Variants in FNBP1 observed in about 807,000 individuals in gnomAD.
FNBP1 encodes the protein formin-binding protein 1.
FNBP1 carries 26 observed loss-of-function variants against 90.6 expected under a neutral mutation model. The observed-to-expected ratio is 0.29, with a 90% CI of 0.21 to 0.40. The LOEUF is 0.40. FNBP1 is among the 10% of genes least tolerant of loss of function. The probability of loss-of-function intolerance (pLI) is 1.00; values close to 1 mark genes in which losing one functional copy is unlikely to be tolerated. For synonymous variants in FNBP1, 260 were observed against 265.2 expected (o/e 0.98, Z 0.19); for missense variants, 635 against 768.0 (o/e 0.83, Z 2.05).
chr9:130,042,880 G>T lies in FNBP1; in HGVS notation c.24+72C>A. ...GCCTCCGCCCAGCAGCGCGGCCCGCGCCCCCTCCCCAGGCCGCGGGGAAAC... is the reference window on the plus strand; with the variant it reads ...GCCTCCGCCCAGCAGCGCGGCCCGCTCCCCCTCCCCAGGCCGCGGGGAAAC... On this transcript the variant is annotated intron_variant, in intron 1 of 16. Coordinates refer to ENST00000446176, the MANE Select transcript of FNBP1 (RefSeq NM_015033.3). The surrounding 1 kb of genome is among the most constrained non-coding windows in gnomAD (Gnocchi z 5.5). The T allele has an allele frequency of 5.6e-6, 6 of 1,080,240 alleles. No individual in the cohort carries two copies. The highest frequency in any genetic ancestry group is 5.9e-6 in the Non-Finnish European group (5 of 851,474). The allele number at this position is 1,080,240 out of a possible 1,614,324, so 66.9% of individuals were successfully genotyped here. A position where few individuals can be genotyped will look rare whatever the true frequency, so the allele number is the denominator to read the frequency against.
intron 6 of FNBP1, chr9:129,933,640 T>C (rs1304677748): frequency 6.6e-6 from 1 of 152,224 alleles, no homozygotes. Flanking sequence ...AAGTATATTT[T>C]AGACGGTCTG....
intron 6 of FNBP1, among the ~76,000 whole-genome samples, chr9:129,955,033 A>T (rs2046712477): frequency 6.6e-6 from 1 of 152,100 alleles, no homozygotes; most frequent in African/African-American, 2.4e-5. Context: ...AACCTTTTGA[A>T]GCACTCTCTT....
In FNBP1 at chr9:129,966,064, T is replaced by G. The variant is rs2048588958; in HGVS notation, c.346-7511A>C. ...GCTGCTCCAGGCACGAGGAAAGCTG[T>G]GTAAACAAAACAAAGTCCCCTGTCC... On this transcript the variant is annotated intron_variant, in intron 4 of 16. Transcript: ENST00000446176. This position sits in a 1 kb window ranked among gnomAD's most constrained non-coding sequence, Gnocchi z 4.3. 6.6e-6 allele frequency among the ~76,000 whole-genome samples: 1 copy of G among 152,148 alleles called. No individual in the cohort carries two copies. The highest frequency in any genetic ancestry group is 6.5e-5 in the Admixed American group (1 of 15,276).
intron 16 of FNBP1, among the ~76,000 whole-genome samples, chr9:129,892,970 C>CAAGA (rs747438792): frequency 1.0e-4 from 15 of 149,224 alleles, no homozygotes; most frequent in Non-Finnish European, 1.6e-4. Context: ...TTTGAATAAT[C>CAAGA]AAGAAAAAAA....
At chr9:130,014,172 C>G (rs1203863258) in intron 1 of FNBP1, 2 of 403,930 alleles carry the variant, frequency 5.0e-6, no homozygotes, top group Non-Finnish European at 9.9e-6. Flanking sequence ...GTGGCAGAGG[C>G]TTAGAAAGGG....
rs1312365483 is a variant in FNBP1, at chr9:130,007,249, A to AAG, written c.25-12292_25-12291insCT. On this transcript the variant is annotated intron_variant, in intron 1 of 16. Coordinates refer to ENST00000446176, the MANE Select transcript of FNBP1 (RefSeq NM_015033.3). ...AGAGTGAGATCCTGTCAAAAAAAAA[A>AAG]AAAAAAAAGAAAAAAAAAAAGAATG... 2.0e-5 allele frequency among the ~76,000 whole-genome samples: 3 copies of AAG among 148,910 alleles called. No homozygotes were observed. The South Asian group carries it at 6.3e-4, about 31-fold the overall frequency.
upstream of FNBP1, among the ~76,000 whole-genome samples, chr9:130,044,031 C>T (rs2060026591): frequency 6.6e-6 from 1 of 152,194 alleles, no homozygotes; most frequent in African/African-American, 2.4e-5. Flanking sequence ...GGGCCAAGGC[C>T]GAAGGTTGGT....
the FNBP1 span, among the ~76,000 whole-genome samples, chr9:130,050,865 C>G: frequency 6.8e-6 from 1 of 147,348 alleles, no homozygotes; most frequent in Non-Finnish European, 1.5e-5. Flanking sequence ...CTTGCTCTGT[C>G]GCACAGGCTG....
intron 1 of FNBP1, among the ~76,000 whole-genome samples, chr9:130,022,976 G>C (rs2057990855): frequency 6.6e-6 from 1 of 151,882 alleles, no homozygotes. Context: ...GCAAGACCCT[G>C]TCAAAAAACA....
chr9:130,049,865 TTGTG>T, the FNBP1 span, among the ~76,000 whole-genome samples: 1 of 152,154 alleles, frequency 6.6e-6, no homozygotes, highest in Non-Finnish European at 1.5e-5. Context: ...TTTTCTTTTT[TTGTG>T]TGTGTTTTGT....
intron 4 of FNBP1, among the ~76,000 whole-genome samples, chr9:129,972,508 G>C (rs531790853): frequency 2.0e-5 from 3 of 151,652 alleles, no homozygotes; most frequent in Non-Finnish European, 4.4e-5. Context: ...GCTCACAGAA[G>C]GCCTAAACAT....
chr9:129,890,734 T>G lies in FNBP1; in HGVS notation c.1847-188A>C, dbSNP rs1208843542. On this transcript the variant is annotated intron_variant, in intron 16 of 16. Coordinates refer to ENST00000446176, the MANE Select transcript of FNBP1 (RefSeq NM_015033.3). The surrounding 1 kb of genome is among the most constrained non-coding windows in gnomAD (Gnocchi z 5.8). ...CAGGGCGGGTCTGAGATGAGGAACT[T>G]TCACGGTTTTCTCTCTAGCCTTTAG... Among the ~76,000 whole-genome samples, 2 of 152,124 alleles carry G rather than the reference T, an allele frequency of 1.3e-5. No homozygotes were observed. Among genetic ancestry groups the G allele is most frequent in the Non-Finnish European group, 2.9e-5 (2 of 68,010 alleles).
chr9:129,996,532 T>G (rs949145621), intron 1 of FNBP1, among the ~76,000 whole-genome samples: 58 of 152,222 alleles, frequency 3.8e-4, no homozygotes, highest in African/African-American at 1.3e-3. Context: ...CATTTGCCTG[T>G]AAGACGCAGC....
chr9:130,004,803 C>T (rs913581678), intron 1 of FNBP1, among the ~76,000 whole-genome samples: 2 of 152,282 alleles, frequency 1.3e-5, no homozygotes, highest in Non-Finnish European at 2.9e-5. Context: ...TGGTGGCTCA[C>T]GCCTGTAATC....
intron 1 of FNBP1, among the ~76,000 whole-genome samples, chr9:130,009,927 C>T (rs150122274): frequency 4.0e-5 from 6 of 148,942 alleles, no homozygotes; most frequent in South Asian, 2.1e-4. Flanking sequence ...TGCAATGAGC[C>T]GAGATTGTGC....
intron 15 of FNBP1, among the ~76,000 whole-genome samples, chr9:129,899,714 G>A (rs1344188324): frequency 2.0e-5 from 3 of 149,616 alleles, no homozygotes; most frequent in African/African-American, 7.4e-5. Context: ...GGGCAAGAGA[G>A]CGAGACCCTG....
chr9:129,951,213 T>G (rs2046117021), intron 6 of FNBP1, among the ~76,000 whole-genome samples: 1 of 152,012 alleles, frequency 6.6e-6, no homozygotes, highest in South Asian at 2.1e-4. Context: ...TGCCTCGGCC[T>G]CCCATAGTGC....
Position 129,929,704 on chromosome 9 carries a change from A to G in FNBP1, c.514-9T>C, listed in dbSNP as rs1178725665. 1 of 1,613,528 alleles carries G rather than the reference A, an allele frequency of 6.2e-7. No homozygotes were observed. Among genetic ancestry groups the G allele is most frequent in the Non-Finnish European group, 8.5e-7 (1 of 1,179,482 alleles). On this transcript the variant is annotated splice_polypyrimidine_tract_variant and intron_variant, in intron 6 of 16. Coordinates refer to ENST00000446176, the MANE Select transcript of FNBP1 (RefSeq NM_015033.3). ...TGAGCTTGTTGTCGGGCCTTAGGGC[A>G]AAAACAAGAATACTCCTACGTTTAT... is the stretch of plus-strand genomic sequence containing the variant.
chr9:129,976,903 C>T (rs138600558), intron 4 of FNBP1, among the ~76,000 whole-genome samples: 3,193 of 151,934 alleles, frequency 0.021, 112 homozygotes, highest in African/African-American at 0.073. Flanking sequence ...CGGTGGCTCA[C>T]GCCTGTAATC....
Sources: gnomAD v4.1 joint callset for allele counts (sites outside exome capture counted in the v4.1 genomes callset) on GRCh38, gnomAD v4.1.1 for gene constraint, Gnocchi (gnomAD v3.1) non-coding constraint, MANE v1.5 for transcripts, NCBI Gene and HGNC (gene_info 2026-07-23, HGNC 2026-07-21) for gene names.